Variants in UTP6 observed in about 807,000 individuals in gnomAD.
The protein encoded by UTP6 is UTP6 small subunit processome component, also known as U3 small nucleolar RNA-associated protein 6 homolog.
A neutral mutation model predicts 96.5 loss-of-function variants in UTP6; 60 were observed. The observed-to-expected ratio is 0.62, with a 90% CI of 0.51 to 0.77. The LOEUF is 0.77. Among genes scored for constraint, UTP6 ranks in the 30% least tolerant of loss-of-function variants. The pLI is 0.00. For missense variants in UTP6, 637 were observed against 706.5 expected (o/e 0.90, Z 1.12); for synonymous variants, 215 against 240.1 (o/e 0.90, Z 0.96).
chr17:31,899,574 GAC>G, intron 2 of UTP6, 70 bp downstream of exon 2: 3 of 1,156,176 alleles, frequency 2.6e-6, no homozygotes, highest in Non-Finnish European at 3.6e-6. Context: ...CAACCTGGGT[GAC>G]AGAGTGAGAT....
intron 10 of UTP6, 129 bp downstream of exon 10, chr17:31,884,295 G>C: frequency 1.4e-6 from 1 of 715,270 alleles, no homozygotes. Context: ...ACTGCACCCG[G>C]CCAATATTAG....
intron 16 of UTP6, among the ~76,000 whole-genome samples, chr17:31,872,246 A>G (rs1284573047): frequency 6.6e-6 from 1 of 152,166 alleles, no homozygotes; most frequent in Non-Finnish European, 1.5e-5. Context: ...CAGTTATACT[A>G]TAATCTCAAC....
chr17:31,892,505 C>T (rs971643221), intron 5 of UTP6, among the ~76,000 whole-genome samples, 182 bp from the exon 6 acceptor site: 13 of 152,186 alleles, frequency 8.5e-5, no homozygotes, highest in Admixed American at 7.2e-4. Context: ...CCACTAAACA[C>T]TTTAAATATC....
In UTP6 at chr17:31,893,768, A is replaced by T. The variant is rs1037843247; in HGVS notation, c.312+877T>A. On this transcript the variant is annotated intron_variant, in intron 4 of 18. Transcript: ENST00000261708. ...AAAAAAAAAAAAAGAAGCAGATTTC[A>T]GAAAATCCAGTCACCTCTCATCCTA... Among the ~76,000 whole-genome samples, 4 of 150,870 alleles carry T rather than the reference A, an allele frequency of 2.7e-5. No homozygotes were observed. In the Admixed American group the frequency reaches 2.7e-4, roughly 10 times the overall value.
At chr17:31,873,921 T>G in intron 14 of UTP6, 168 bp from the exon 15 acceptor site, 1 of 657,236 alleles carries the variant, frequency 1.5e-6, no homozygotes, top group South Asian at 2.3e-5. Flanking sequence ...CCTAAGATAA[T>G]CAACATGTAA....
rs1910621267 is a variant in UTP6, at chr17:31,878,344, C to T, written c.1048-17G>A. ...TTCCAACCTCTGAAAACAGAAAAATCCCTCAGTTCATTACAAAGATCCCAG... is the reference window on the plus strand; with the variant it reads ...TTCCAACCTCTGAAAACAGAAAAATTCCTCAGTTCATTACAAAGATCCCAG... On this transcript the variant is annotated splice_polypyrimidine_tract_variant and intron_variant, in intron 12 of 18. Transcript: ENST00000261708. 6.2e-7 allele frequency: 1 copy of T among 1,613,596 alleles called. No individual in the cohort carries two copies. The highest frequency in any genetic ancestry group is 8.5e-7 in the Non-Finnish European group (1 of 1,179,680).
intron 8 of UTP6, among the ~76,000 whole-genome samples, chr17:31,886,295 T>G (rs1173848628): frequency 3.3e-5 from 5 of 152,212 alleles, no homozygotes; most frequent in Non-Finnish European, 7.3e-5. Context: ...GCTTAAGGCC[T>G]CACTCTCCAT....
At position 31,892,730 on chromosome 17, in the gene UTP6, T is replaced by C. The variant is rs546567232; in HGVS notation, c.360+17A>G. On this transcript the variant is annotated intron_variant, in intron 5 of 18. Coordinates refer to ENST00000261708, the MANE Select transcript of UTP6 (RefSeq NM_018428.3). ...AAAGACGGTCAGAGGAAGCAAGACA[T>C]GCATGGCTTTACTCACCCACTTCTT... 4 of 1,614,050 alleles carry C rather than the reference T, an allele frequency of 2.5e-6. No individual in the cohort carries two copies. The Admixed American group carries it at 5.0e-5, about 20-fold the overall frequency.
intron 4 of UTP6, among the ~76,000 whole-genome samples, chr17:31,893,734 CAAAAAAA>C (rs3084042): frequency 2.4e-5 from 2 of 84,460 alleles, no homozygotes; most frequent in Admixed American, 1.3e-4. Context: ...CATCCCCCAC[CAAAAAAA>C]AAAAAAAAAA....
Position 31,873,382 on chromosome 17 carries a change from T to C in UTP6, c.1492A>G (p.Lys498Glu). The C allele has an allele frequency of 1.9e-6, 3 of 1,614,162 alleles. No homozygotes were observed. Residue 498 changes from lysine (K) to glutamate (E), a missense_variant, in exon 16 of 19, where the codon AAA becomes GAA. Physicochemically the swap from Lys to Glu is moderately conservative, Grantham distance 56. Transcript: ENST00000261708. ...GGYKKARAVF[K>E]SLQESRPFSV... is the part of the protein sequence containing the mutation. ...ACTATGAACGTCTGTGAGTACCTTT[T>C]AAACACAGCTCTGGCCTTTTTGTAG...
chr17:31,862,302 A>G lies in UTP6; in HGVS notation c.*1057T>C, dbSNP rs1014155222. The G allele has an allele frequency of 6.6e-6, 1 of 152,126 alleles. No individual in the cohort carries two copies. Among genetic ancestry groups the G allele is most frequent in the African/African-American group, 2.4e-5 (1 of 41,410 alleles). The allele number at this position is 152,126 out of a possible 1,614,324, so 9.4% of individuals were successfully genotyped here. A position where few individuals can be genotyped will look rare whatever the true frequency, so the allele number is the denominator to read the frequency against. ...AGAGCAAGGCTCCATCTCAAAAAAA[A>G]AAAGACAGTCTAACCAGAGGATTAG... On this transcript the variant is annotated 3_prime_UTR_variant, in exon 19 of 19. Transcript: ENST00000261708.
intron 14 of UTP6, 137 bp downstream of exon 14, chr17:31,875,097 C>A: frequency 2.1e-6 from 2 of 955,288 alleles, no homozygotes; most frequent in Admixed American, 4.8e-5. Context: ...CTACTCTTAA[C>A]CTATGAACCA....
At chr17:31,874,329 T>C (rs1910362726) in intron 14 of UTP6, 1 of 152,648 alleles carries the variant, frequency 6.6e-6, no homozygotes, top group Non-Finnish European at 1.5e-5. Flanking sequence ...GCGGATCACT[T>C]GAGGCCAGGA....
At chr17:31,895,380 T>A (rs1424594984) in intron 2 of UTP6, among the ~76,000 whole-genome samples, 1 of 152,226 alleles carries the variant, frequency 6.6e-6, no homozygotes, top group Non-Finnish European at 1.5e-5. Context: ...TATGTACCTA[T>A]CTCTGATTCT....
rs572930009 is a variant in UTP6, at chr17:31,889,218, A to C, written c.543+67T>G. On this transcript the variant is annotated intron_variant, in intron 7 of 18. Coordinates refer to ENST00000261708, the MANE Select transcript of UTP6 (RefSeq NM_018428.3). ...GTAAGAATTGCTTGAATCCAGGAAA[A>C]AAAAATATGTCTCCAGAGGACCAAA... is the stretch of plus-strand genomic sequence containing the variant. 30 of 1,283,980 alleles carry C rather than the reference A, an allele frequency of 2.3e-5. No individual in the cohort carries two copies. The Middle Eastern group carries it at 9.5e-4, about 40-fold the overall frequency. The allele number at this position is 1,283,980 out of a possible 1,614,324, so 79.5% of individuals were successfully genotyped here.
intron 16 of UTP6, 59 bp from the exon 17 acceptor site, chr17:31,868,171 TA>T: frequency 6.7e-7 from 1 of 1,499,556 alleles, no homozygotes; most frequent in Non-Finnish European, 9.2e-7. Flanking sequence ...TTACATCTCA[TA>T]ACTGTAAATA....
chr17:31,874,678 T>C (rs1204683209), intron 14 of UTP6, among the ~76,000 whole-genome samples: 1 of 151,472 alleles, frequency 6.6e-6, no homozygotes, highest in Non-Finnish European at 1.5e-5. Flanking sequence ...ACGCCTGTAA[T>C]CTCAGCACTT....
At chr17:31,893,462 T>A (rs1199821316) in intron 4 of UTP6, among the ~76,000 whole-genome samples, 2 of 137,154 alleles carry the variant, frequency 1.5e-5, no homozygotes, top group Non-Finnish European at 3.0e-5. Flanking sequence ...CCAGGCACAA[T>A]GGCTCAGGCC....
At chr17:31,894,786 C>A in intron 3 of UTP6, 49 bp from the exon 4 acceptor site, 1 of 1,503,746 alleles carries the variant, frequency 6.7e-7, no homozygotes, top group South Asian at 1.2e-5. Context: ...CATATTTGTC[C>A]AAAACAGCAT....
Sources: allele counts gnomAD v4.1 joint callset (sites outside exome capture counted in the v4.1 genomes callset), GRCh38; gene constraint gnomAD v4.1.1; transcripts MANE v1.5; gene names NCBI Gene and HGNC (gene_info 2026-07-23, HGNC 2026-07-21).